ZNF668: variants seen among roughly 807,000 people sequenced by gnomAD.
ZNF668 encodes zinc finger protein 668.
In ZNF668, 10 loss-of-function variants were observed where a neutral mutation model predicts 40.3. The ratio of observed to expected loss-of-function variants is 0.25; its 90% CI spans 0.15 to 0.42. The LOEUF (loss-of-function observed/expected upper bound fraction) is 0.42. ZNF668 is among the 10% of genes least tolerant of loss of function. The probability of loss-of-function intolerance (pLI) is 1.00; values close to 1 mark genes in which losing one functional copy is unlikely to be tolerated. For missense variants in ZNF668, 749 were observed against 904.6 expected (o/e 0.83, Z 2.21); for synonymous variants, 428 against 384.6 (o/e 1.11, Z -1.32).
chr16:31,066,909 GC>G (rs1278976840), intron 1 of ZNF668, among the ~76,000 whole-genome samples: 1 of 151,908 alleles, frequency 6.6e-6, no homozygotes, highest in East Asian at 1.9e-4. Flanking sequence ...GATAGCTTGG[GC>G]CAGGTTCAGT....
chr16:31,068,239 A>AAAAAAAAAAATATATATATAT (rs1473353128), intron 1 of ZNF668, among the ~76,000 whole-genome samples: 1 of 83,010 alleles, frequency 1.2e-5, no homozygotes, highest in African/African-American at 5.0e-5. Flanking sequence ...AAAAAAAAAA[A>AAAAAAAAAAATATATATATAT]ATATATATAT....
At chr16:31,066,681 G>T (rs1332265323) in intron 1 of ZNF668, among the ~76,000 whole-genome samples, 1 of 149,310 alleles carries the variant, frequency 6.7e-6, no homozygotes, top group Non-Finnish European at 1.5e-5. Context: ...TCCAGCCTGG[G>T]AGACAGGGCA....
At chr16:31,068,521 C>CTTT (rs11311964) in intron 1 of ZNF668, among the ~76,000 whole-genome samples, 1 of 140,920 alleles carries the variant, frequency 7.1e-6, no homozygotes, top group Non-Finnish European at 1.6e-5. Context: ...CACGCCCAGA[C>CTTT]TTTTTTTTTT....
In ZNF668 at chr16:31,064,358, C is replaced by A. The variant is rs751555045; in HGVS notation, c.102G>T (p.Ala34=). The A allele has an allele frequency of 1.2e-5, 20 of 1,613,916 alleles. No individual in the cohort carries two copies. The highest frequency in any genetic ancestry group is 2.2e-5 in the East Asian group (1 of 44,878). The change falls in exon 2 of 3, where the codon GCG becomes GCT. Residue 34 remains alanine, a synonymous_variant. Coordinates refer to ENST00000300849, the MANE Select transcript of ZNF668 (RefSeq NM_024706.5). ...CLSCTKTFPN[A]PRAARHAATH... ...TGGCAGCGTGGCGCGCTGCCCTGGG[C>A]GCGTTTGGAAATGTCTTGGTACAGG... is the stretch of plus-strand genomic sequence containing the variant.
chr16:31,061,982 C>G lies in ZNF668; in HGVS notation c.946G>C (p.Asp316His). 1.9e-6 allele frequency: 3 copies of G among 1,613,766 alleles called. No individual in the cohort carries two copies. Among genetic ancestry groups the G allele is most frequent in the Non-Finnish European group, 2.5e-6 (3 of 1,179,860 alleles). Residue 316 changes from aspartate to histidine, a missense_variant, in exon 3 of 3, where the codon GAC becomes CAC. By Grantham distance (81) the Asp-to-His change is moderately conservative. This residue lies in a region of ZNF668 where 129 missense variants were observed against 231.2 expected (regional missense o/e 0.56). Coordinates refer to ENST00000300849, the MANE Select transcript of ZNF668 (RefSeq NM_024706.5). This position sits in a 1 kb window ranked among gnomAD's most constrained non-coding sequence, Gnocchi z 7.7. ...GCCAGGTCCGCCGGCTGCCGGAAGT[C>G]CTTGCCGCACTTCTCGCAGTGGTAT... ...KPYHCEKCGKDFRQPADLAMH... is the reference protein window; with the variant it reads ...KPYHCEKCGKHFRQPADLAMH...
At chr16:31,063,690 G>T in intron 2 of ZNF668, 123 bp downstream of exon 2, 1 of 1,154,326 alleles carries the variant, frequency 8.7e-7, no homozygotes, top group Non-Finnish European at 1.2e-6. Context: ...CCTCCCCTTG[G>T]ATCTGCCATG....
intron 1 of ZNF668, among the ~76,000 whole-genome samples, chr16:31,068,261 T>G (rs1368488870): frequency 8.5e-6 from 1 of 117,136 alleles, no homozygotes; most frequent in South Asian, 2.7e-4. Flanking sequence ...TATATATATA[T>G]ATATAATTTT....
intron 1 of ZNF668, chr16:31,064,733 C>T: frequency 6.6e-7 from 1 of 1,526,226 alleles, no homozygotes; most frequent in Non-Finnish European, 8.8e-7. Flanking sequence ...ACACGTCCCC[C>T]CCCGCCCCCA....
chr16:31,072,862 T>C (rs2057026363), intron 1 of ZNF668: 1 of 152,348 alleles, frequency 6.6e-6, no homozygotes, highest in African/African-American at 2.4e-5. Context: ...TTGCCTGCCT[T>C]CTCCAACGGG....
At chr16:31,066,086 T>C in intron 1 of ZNF668, 2 of 985,340 alleles carry the variant, frequency 2.0e-6, no homozygotes, top group South Asian at 4.7e-5. Flanking sequence ...GCCACATCCT[T>C]AAAGTCAGCA....
At position 31,062,291 on chromosome 16, in the gene ZNF668, G is replaced by A. The variant is rs2056937276; in HGVS notation, c.648-11C>T. 3.8e-6 allele frequency: 6 copies of A among 1,584,268 alleles called. No homozygotes were observed. The South Asian group carries it at 5.7e-5, about 15-fold the overall frequency. On this transcript the variant is annotated splice_polypyrimidine_tract_variant and intron_variant, in intron 2 of 2. Transcript: ENST00000300849. ...TCGCCGGTGTGGGACCTGCGGGGGTGTGGAGGACTTGGCATGAAGGCGACA... is the reference window on the plus strand; with the variant it reads ...TCGCCGGTGTGGGACCTGCGGGGGTATGGAGGACTTGGCATGAAGGCGACA...
intron 1 of ZNF668, among the ~76,000 whole-genome samples, chr16:31,065,814 A>AC (rs1370686275): frequency 6.6e-6 from 1 of 151,554 alleles, no homozygotes; most frequent in African/African-American, 2.4e-5. Context: ...AGATCGTGCC[A>AC]CCGCACTCCA....
Position 31,073,960 on chromosome 16 carries a change from C to T in ZNF668, c.-324G>A, listed in dbSNP as rs1293427315. ...GCCTTGTGTTAGTCTGGGGCCAGGT[C>T]ACCGGCAATGTCTTCAAGAACCAGA... On this transcript the variant is annotated 5_prime_UTR_variant, in exon 1 of 3. Transcript: ENST00000300849. 4 of 152,268 alleles carry T rather than the reference C, an allele frequency of 2.6e-5. No individual in the cohort carries two copies. The East Asian group carries it at 7.7e-4, about 29-fold the overall frequency. 9.4% of individuals were successfully genotyped at this position (152,268 alleles called of 1,614,324 possible). A position where few individuals can be genotyped will look rare whatever the true frequency, so the allele number is the denominator to read the frequency against.
intron 1 of ZNF668, among the ~76,000 whole-genome samples, chr16:31,069,472 T>C (rs1221259843): frequency 6.6e-6 from 1 of 152,156 alleles, no homozygotes; most frequent in Non-Finnish European, 1.5e-5. Context: ...TGTAGCTGTC[T>C]TTTTTGGTGT....
chr16:31,068,277 T>C (rs1307553825), intron 1 of ZNF668, among the ~76,000 whole-genome samples: 1 of 135,724 alleles, frequency 7.4e-6, no homozygotes, highest in African/African-American at 2.8e-5. Flanking sequence ...ATTTTTGAGA[T>C]GGAGTCTTAC....
intron 1 of ZNF668, among the ~76,000 whole-genome samples, chr16:31,068,307 T>G (rs1434926778): frequency 7.1e-6 from 1 of 139,972 alleles, no homozygotes; most frequent in Non-Finnish European, 1.5e-5. Context: ...CAGGCTGGAG[T>G]GCAGTGGCGC....
Position 31,061,988 on chromosome 16 carries a change from C to T in ZNF668, c.940G>A (p.Gly314Ser), listed in dbSNP as rs1320436059. The T allele has an allele frequency of 4.3e-6, 7 of 1,613,644 alleles. No homozygotes were observed. Among genetic ancestry groups the T allele is most frequent in the South Asian group, 3.3e-5 (3 of 91,082 alleles). Residue 314 changes from glycine (G) to serine (S), a missense_variant, in exon 3 of 3, where the codon GGC (glycine) becomes AGC (serine). Physicochemically the swap from Gly to Ser is moderately conservative, Grantham distance 56. Coordinates refer to ENST00000300849, the MANE Select transcript of ZNF668 (RefSeq NM_024706.5). This position sits in a 1 kb window ranked among gnomAD's most constrained non-coding sequence, Gnocchi z 7.7. ...GVKPYHCEKCGKDFRQPADLA... is the reference protein window; with the variant it reads ...GVKPYHCEKCSKDFRQPADLA... ...TCCGCCGGCTGCCGGAAGTCCTTGC[C>T]GCACTTCTCGCAGTGGTATGGCTTC...
rs752905170 is a variant in ZNF668 at position 31,064,202 on chromosome 16, A to G, written c.258T>C (p.Cys86=). 1.7e-5 allele frequency: 27 copies of G among 1,612,654 alleles called. No homozygotes were observed. The highest frequency in any genetic ancestry group is 3.3e-5 in the Admixed American group (2 of 60,012). ...TCTTGTAGGCCTTGGGGCATAGCGG[A>G]CACGCATAGGGCCTAGGCTTGGCCG... ...GSAAKPRPYA[C]PLCPKAYKTA... The change falls in exon 2 of 3, where the codon TGT becomes TGC. Residue 86 remains cysteine, a synonymous_variant. Transcript: ENST00000300849.
At chr16:31,064,651 G>A (rs759473881) in intron 1 of ZNF668, 170 bp from the exon 2 acceptor site, 2 of 1,536,258 alleles carry the variant, frequency 1.3e-6, no homozygotes, top group South Asian at 2.4e-5. Flanking sequence ...TCTGCTCATT[G>A]AAGAAAGGAG....
Sources: allele counts gnomAD v4.1 joint callset (sites outside exome capture counted in the v4.1 genomes callset), GRCh38; gene constraint gnomAD v4.1.1; regional missense constraint gnomAD v4.1.1; non-coding constraint Gnocchi (gnomAD v3.1); transcripts MANE v1.5; gene names NCBI Gene and HGNC (gene_info 2026-07-23, HGNC 2026-07-21).